SCIN: variants seen among roughly 807,000 people sequenced by gnomAD.
SCIN encodes the protein scinderin.
SCIN carries 91 observed loss-of-function variants against 91.8 expected under a neutral mutation model. That is an observed-to-expected ratio of 0.99 (90% confidence interval 0.84 to 1.18). The LOEUF (loss-of-function observed/expected upper bound fraction) is 1.18. Among genes scored for constraint, SCIN ranks in the 50% most tolerant of loss-of-function variants. The pLI, the probability that SCIN is intolerant of heterozygous loss-of-function variation, is 0.00. For synonymous variants in SCIN, 367 were observed against 312.6 expected, an observed-to-expected ratio of 1.17 and a Z score of -1.84; for missense variants, 1,087 against 863.9, an observed-to-expected ratio of 1.26 and a Z score of -3.24.
intron 11 of SCIN, among the ~76,000 whole-genome samples, chr7:12,642,545 T>C (rs1423462430): frequency 1.3e-5 from 2 of 151,020 alleles, no homozygotes; most frequent in Non-Finnish European, 2.9e-5. Flanking sequence ...ACTCACCATC[T>C]CTACTTTTTA....
intron 14 of SCIN, among the ~76,000 whole-genome samples, chr7:12,650,106 T>C (rs1256159878): frequency 6.6e-6 from 1 of 152,204 alleles, no homozygotes; most frequent in African/African-American, 2.4e-5. Flanking sequence ...GAAAAGTAAA[T>C]ATATTATGAA....
chr7:12,634,171 A>G (rs1253109242), intron 9 of SCIN, among the ~76,000 whole-genome samples: 1 of 152,120 alleles, frequency 6.6e-6, no homozygotes, highest in Non-Finnish European at 1.5e-5. Flanking sequence ...AAGAAAAGAT[A>G]TATTAGGATT....
intron 9 of SCIN, among the ~76,000 whole-genome samples, chr7:12,635,337 C>T (rs1466200307): frequency 2.7e-5 from 4 of 150,326 alleles, no homozygotes; most frequent in Non-Finnish European, 4.4e-5. Flanking sequence ...GCTGGCTGGG[C>T]GCGGTGGCTC....
intron 12 of SCIN, 116 bp downstream of exon 12, chr7:12,644,431 C>T (rs926895365): frequency 9.6e-5 from 138 of 1,435,190 alleles, no homozygotes; most frequent in Non-Finnish European, 1.3e-4. Context: ...ACAATCTCTC[C>T]ATTAGTTGCA....
chr7:12,609,722 G>A (rs1049063996), intron 4 of SCIN, among the ~76,000 whole-genome samples: 1 of 152,144 alleles, frequency 6.6e-6, no homozygotes, highest in Non-Finnish European at 1.5e-5. Context: ...CATTGTAAAT[G>A]CTGGTGGTGA....
chr7:12,578,061 T>C lies in SCIN; in HGVS notation c.200-3T>C. The C allele has an allele frequency of 1.3e-6, 2 of 1,537,636 alleles. No individual in the cohort carries two copies. The highest frequency in any genetic ancestry group is 1.8e-6 in the Non-Finnish European group (2 of 1,141,526). On this transcript the variant is annotated splice_polypyrimidine_tract_variant and splice_region_variant and intron_variant, in intron 1 of 15. Transcript: ENST00000297029. ...ATTGAGGTGCTGTTGTTCACTGTTT[T>C]AGGAAAGGAGTGTTCCCAGGATGAA... is the stretch of plus-strand genomic sequence containing the variant.
rs137904037 is a variant in SCIN, at chr7:12,647,503, G to C, written c.1882-1964G>C. ...GTACTTGCTGGCTGTGTGACTTTAGGCTGGTTACTGAGCCTGTCTGGGCTG... is the reference window on the plus strand; with the variant it reads ...GTACTTGCTGGCTGTGTGACTTTAGCCTGGTTACTGAGCCTGTCTGGGCTG... On this transcript the variant is annotated intron_variant, in intron 13 of 15. Transcript: ENST00000297029. Among the ~76,000 whole-genome samples the C allele has an allele frequency of 6.5e-3, 984 of 152,242 alleles. 13 individuals carry two copies. Among genetic ancestry groups the C allele is most frequent in the Middle Eastern group, 0.017 (5 of 294 alleles).
Position 12,651,512 on chromosome 7 carries a change from G to T in SCIN, c.1960-329G>T, listed in dbSNP as rs1345488306. ...TCCTTCGACTGCTGTCACACCCTAG[G>T]GGGTGGATGAAAAAAAAAAGTCCAC... On this transcript the variant is annotated intron_variant, in intron 14 of 15. Transcript: ENST00000297029. The surrounding 1 kb of genome is among the most constrained non-coding windows in gnomAD (Gnocchi z 5.9). Among the ~76,000 whole-genome samples the T allele has an allele frequency of 2.0e-5, 3 of 151,252 alleles. No individual in the cohort carries two copies. Among genetic ancestry groups the T allele is most frequent in the African/African-American group, 7.3e-5 (3 of 41,006 alleles).
intron 3 of SCIN, among the ~76,000 whole-genome samples, chr7:12,603,574 CT>C (rs994041639): frequency 3.3e-5 from 5 of 151,988 alleles, no homozygotes; most frequent in African/African-American, 1.2e-4. Flanking sequence ...CTCTTTCTTT[CT>C]TTTGGTAAAC....
chr7:12,630,494 G>C (rs1327639178), intron 9 of SCIN, among the ~76,000 whole-genome samples: 2 of 152,166 alleles, frequency 1.3e-5, no homozygotes, highest in African/African-American at 4.8e-5. Flanking sequence ...TCTCAGCTGG[G>C]GGGAATCCTG....
At position 12,640,459 on chromosome 7, in the gene SCIN, C is replaced by T. The variant is rs191632569; in HGVS notation, c.1523C>T (p.Pro508Leu). The T allele has an allele frequency of 6.4e-5, 103 of 1,613,080 alleles. 3 individuals are homozygous for T. The South Asian group carries it at 7.5e-4, about 12-fold the overall frequency. Residue 508 changes from proline (P) to leucine (L), a missense_variant, in exon 11 of 16, where the codon CCC becomes CTC. Transcript: ENST00000297029. ...AAGAAAGGAGGTCAGGCACCTGCTCCCCCTACACGCCTCTTTCAAGTCCGG... is the reference window on the plus strand; with the variant it reads ...AAGAAAGGAGGTCAGGCACCTGCTCTCCCTACACGCCTCTTTCAAGTCCGG... ...TSKKGGQAPA[P>L]PTRLFQVRRN... is the part of the protein sequence containing the mutation.
intron 4 of SCIN, among the ~76,000 whole-genome samples, chr7:12,609,118 A>AAGCAC (rs1178130706): frequency 2.8e-4 from 42 of 152,290 alleles, no homozygotes; most frequent in African/African-American, 9.1e-4. Context: ...CTCCAAAGCA[A>AAGCAC]AGCACATTGT....
At position 12,651,387 on chromosome 7, in the gene SCIN, C is replaced by T. The variant is rs1230048519; in HGVS notation, c.1960-454C>T. On this transcript the variant is annotated intron_variant, in intron 14 of 15. Transcript: ENST00000297029. The surrounding 1 kb of genome is among the most constrained non-coding windows in gnomAD (Gnocchi z 5.9). ...CTCTACAGATGCAGATCTTCCCCTA[C>T]AAAAGGCAGATTTGCAGGGCTATTT... Among the ~76,000 whole-genome samples the T allele has an allele frequency of 2.0e-5, 3 of 152,186 alleles. No individual in the cohort carries two copies. The highest frequency in any genetic ancestry group is 2.9e-5 in the Non-Finnish European group (2 of 68,022).
Position 12,625,083 on chromosome 7 carries a change from T to C in SCIN, c.833T>C (p.Leu278Pro), listed in dbSNP as rs796385022. The change falls in exon 6 of 16, where the codon CTG (leucine) becomes CCG (proline). Residue 278 changes from leucine to proline, a missense_variant. Physicochemically the swap from Leu to Pro is moderately conservative, Grantham distance 98 (BLOSUM62 -3). Transcript: ENST00000297029. ...EENPFSMAML[L>P]SEECFILDHG... ...AACCCCTTCTCAATGGCAATGCTGC[T>C]GTCTGAAGAATGCTTTATTTTGGAC... is the stretch of plus-strand genomic sequence containing the variant. 6.2e-7 allele frequency: 1 copy of C among 1,605,964 alleles called. No homozygotes were observed. Among genetic ancestry groups the C allele is most frequent in the Admixed American group, 1.7e-5 (1 of 59,252 alleles).
In SCIN at chr7:12,640,328, T is replaced by TC. The variant is rs1267752829; in HGVS notation, c.1411-14dup. 7.8e-6 allele frequency: 12 copies of TC among 1,533,816 alleles called. No homozygotes were observed. Among genetic ancestry groups the TC allele is most frequent in the South Asian group, 1.3e-5 (1 of 77,008 alleles). ...GCACTCTTAATTATATTTCTTTTAT[T>TC]CCCCCTCTCCCCCATCAGATCCGAG... is the stretch of plus-strand genomic sequence containing the variant. On this transcript the variant is annotated intron_variant, in intron 10 of 15. Transcript: ENST00000297029.
At position 12,581,290 on chromosome 7, in the gene SCIN, A is replaced by C; in HGVS notation, c.516+69A>C. On this transcript the variant is annotated intron_variant, in intron 3 of 15. Transcript: ENST00000297029. ...TGCTTTCGGATCAAATCATATGTAC[A>C]TGTCATTGAAAAGAATCACTTTTTC... 4.9e-6 allele frequency: 7 copies of C among 1,436,322 alleles called. No individual in the cohort carries two copies. In the Admixed American group the frequency reaches 1.6e-4, roughly 32 times the overall value. The allele number at this position is 1,436,322 out of a possible 1,614,324, so 89.0% of individuals were successfully genotyped here.
chr7:12,572,685 A>G (rs561227467), intron 1 of SCIN, among the ~76,000 whole-genome samples: 12 of 152,324 alleles, frequency 7.9e-5, no homozygotes, highest in African/African-American at 2.9e-4. Flanking sequence ...TCACTTAATT[A>G]TCTACTTAAT....
intron 4 of SCIN, among the ~76,000 whole-genome samples, chr7:12,611,783 A>G (rs934849157): frequency 2.0e-5 from 3 of 152,134 alleles, no homozygotes; most frequent in Admixed American, 2.0e-4. Context: ...CTGGTGGTGC[A>G]CACCTATAGT....
chr7:12,578,301 C>A, intron 2 of SCIN, 83 bp downstream of exon 2: 3 of 1,274,518 alleles, frequency 2.4e-6, no homozygotes, highest in Non-Finnish European at 3.2e-6. Context: ...AATGACAGTT[C>A]GTTGAGGGCA....
Sources: gnomAD v4.1 joint callset for allele counts (sites outside exome capture counted in the v4.1 genomes callset) on GRCh38, gnomAD v4.1.1 for gene constraint, Gnocchi (gnomAD v3.1) non-coding constraint, MANE v1.5 for transcripts, NCBI Gene and HGNC (gene_info 2026-07-23, HGNC 2026-07-21) for gene names.